Variants in ADGRL1 observed in about 807,000 individuals in gnomAD.
ADGRL1 encodes the protein CIRL-1.
ADGRL1 carries 31 observed loss-of-function variants against 148.9 expected under a neutral mutation model. The ratio of observed to expected loss-of-function variants is 0.21; its 90% confidence interval spans 0.16 to 0.28. The LOEUF is 0.28. Ranked by LOEUF, ADGRL1 falls within the 10% of genes least tolerant of loss-of-function variation. ADGRL1 has a pLI of 1.00. For missense variants in ADGRL1, 1,521 were observed against 2,058.8 expected, an observed-to-expected ratio of 0.74 and a Z score of 5.05; for synonymous variants, 937 against 900.3, an observed-to-expected ratio of 1.04 and a Z score of -0.73.
rs145068915 is a variant in ADGRL1 at position 14,204,856 on chromosome 19, C to T, written c.-96+1129G>A. ...AAGTGGGATGTGGGAAGACAGACCC[C>T]AGCTCTGAGTCCGGTGGAAGCCAGG... is the stretch of plus-strand genomic sequence containing the variant. On this transcript the variant is annotated intron_variant, in intron 1 of 22. Transcript: ENST00000361434. Among the ~76,000 whole-genome samples the T allele has an allele frequency of 5.5e-3, 837 of 152,198 alleles. 14 individuals are homozygous for T. Among genetic ancestry groups the T allele is most frequent in the African/African-American group, 0.019 (799 of 41,520 alleles).
In ADGRL1 at chr19:14,158,359, G is replaced by C. The variant is rs760317415; in HGVS notation, c.2343C>G (p.Ile781Met). ...TCACCTCCAGGTGGGCCACGGTGAA[G>C]ATGACAGGGTCCATGAGGAAGACGC... Reference protein sequence around the residue: ...SSRVFLMDPVIFTVAHLEDKN... With the variant: ...SSRVFLMDPVMFTVAHLEDKN... Residue 781 changes from isoleucine to methionine, a missense_variant, in exon 12 of 23, where the codon ATC (isoleucine) becomes ATG (methionine). Ile to Met is a conservative substitution (Grantham distance 10). This residue lies in a region of ADGRL1 where 265 missense variants were observed against 431.9 expected (regional missense o/e 0.61). Coordinates refer to ENST00000361434, the MANE Select transcript of ADGRL1 (RefSeq NM_014921.5). 6.2e-7 allele frequency: 1 copy of C among 1,613,644 alleles called. No individual in the cohort carries two copies. Among genetic ancestry groups the C allele is most frequent in the African/African-American group, 1.3e-5 (1 of 74,934 alleles).
chr19:14,169,189 T>A (rs1009434235), intron 4 of ADGRL1: 4 of 152,262 alleles, frequency 2.6e-5, no homozygotes, highest in African/African-American at 9.7e-5. Flanking sequence ...CCTCTGCCCT[T>A]GGGAAGTTTA....
intron 1 of ADGRL1, among the ~76,000 whole-genome samples, chr19:14,199,019 C>G (rs1972438694): frequency 1.3e-5 from 2 of 152,206 alleles, no homozygotes; most frequent in Non-Finnish European, 1.5e-5. Flanking sequence ...GAGGCGGGAT[C>G]CCCCTGCCTC....
intron 2 of ADGRL1, among the ~76,000 whole-genome samples, chr19:14,183,091 C>T (rs1339493139): frequency 6.6e-6 from 1 of 152,084 alleles, no homozygotes; most frequent in African/African-American, 2.4e-5. Flanking sequence ...ATCCTAGGGC[C>T]GGCATAGGGC....
rs1304572807 is a variant in ADGRL1, at chr19:14,175,593, TACACACTCATAC to T, written c.284+1926_284+1937del. ...CCACCCACCCAGATACACACTCCAA[TACACACTCATAC>T]AGACACACTCAGACACACTCAAAGA... On this transcript the variant is annotated intron_variant, in intron 3 of 22. Coordinates refer to ENST00000361434, the MANE Select transcript of ADGRL1 (RefSeq NM_014921.5). 8.6e-5 allele frequency among the ~76,000 whole-genome samples: 13 copies of T among 151,518 alleles called. No homozygotes were observed. The South Asian group carries it at 2.7e-3, about 32-fold the overall frequency.
Position 14,170,806 on chromosome 19 carries a change from CAG to C in ADGRL1, c.285-17_285-16del. On this transcript the variant is annotated splice_polypyrimidine_tract_variant and intron_variant, in intron 3 of 22. Transcript: ENST00000361434. Reference sequence around the variant, plus strand: ...GGTTGTTACACCTTCAGAGGAGAAACAGGGCATTGGGAAAGAAACACATAGAC... The same window carrying C: ...GGTTGTTACACCTTCAGAGGAGAAACGGCATTGGGAAAGAAACACATAGAC... 2 of 1,363,718 alleles carry C rather than the reference CAG, an allele frequency of 1.5e-6. No homozygotes were observed. Among genetic ancestry groups the C allele is most frequent in the Non-Finnish European group, 2.1e-6 (2 of 961,710 alleles). The allele number at this position is 1,363,718 out of a possible 1,614,324, so 84.5% of individuals were successfully genotyped here.
intron 4 of ADGRL1, among the ~76,000 whole-genome samples, chr19:14,165,345 G>C (rs753471151): frequency 6.6e-6 from 1 of 152,172 alleles, no homozygotes; most frequent in Non-Finnish European, 1.5e-5. Context: ...TGCCCAAGCC[G>C]GTCCCCACCC....
intron 11 of ADGRL1, among the ~76,000 whole-genome samples, chr19:14,158,792 C>T (rs1253722460): frequency 6.6e-6 from 1 of 152,202 alleles, no homozygotes; most frequent in Non-Finnish European, 1.5e-5. Context: ...CAAGCTGGGC[C>T]TCCGACCCAC....
chr19:14,162,622 C>T lies in ADGRL1; in HGVS notation c.1179G>A (p.Pro393=), dbSNP rs201718512. 1.1e-5 allele frequency: 18 copies of T among 1,606,480 alleles called. No homozygotes were observed. The highest frequency in any genetic ancestry group is 4.0e-5 in the African/African-American group (3 of 74,934). ...FVVRYSLEFG[P]PDPSAGPATS... ...CGTCCTCACCAGCACTGGGGTCGGG[C>T]GGCCCGAACTCCAGGCTGTAGCGCA... The change falls in exon 5 of 23, where the codon CCG becomes CCA. Residue 393 remains proline, a synonymous_variant. Coordinates refer to ENST00000361434, the MANE Select transcript of ADGRL1 (RefSeq NM_014921.5). This position sits in a 1 kb window ranked among gnomAD's most constrained non-coding sequence, Gnocchi z 5.4.
rs1255088376 is a variant in ADGRL1, at chr19:14,152,873, A to C, written c.3334T>G (p.Cys1112Gly). 6.2e-7 allele frequency: 1 copy of C among 1,614,178 alleles called. No individual in the cohort carries two copies. ...EYSKCLRHSY[C>G]CIRSPPGGTH... ...CCCCCGGGTGGGGAGCGGATGCAGC[A>C]GTAGGAGTGACGCAGGCACTTGCTG... Residue 1112 changes from cysteine to glycine, a missense_variant, in exon 19 of 23, where the codon TGC becomes GGC. Cys to Gly is a radical substitution (Grantham distance 159, BLOSUM62 -3). Transcript: ENST00000361434. This position sits in a 1 kb window ranked among gnomAD's most constrained non-coding sequence, Gnocchi z 6.1.
chr19:14,179,586 T>C lies in ADGRL1; in HGVS notation c.71-1842A>G, dbSNP rs138908820. ...CTCAGACTTCTGGCCTCTGCAACTG[T>C]GAGACAATCAATGTCTGTTGCTTAA... is the stretch of plus-strand genomic sequence containing the variant. On this transcript the variant is annotated intron_variant, in intron 2 of 22. Coordinates refer to ENST00000361434, the MANE Select transcript of ADGRL1 (RefSeq NM_014921.5). Among the ~76,000 whole-genome samples, 1,434 of 151,782 alleles carry C rather than the reference T, an allele frequency of 9.4e-3. 28 individuals carry two copies. The highest frequency in any genetic ancestry group is 0.033 in the African/African-American group (1,382 of 41,370).
rs552833873 is a variant in ADGRL1 at position 14,187,028 on chromosome 19, TGA to T, written c.-95-3333_-95-3332del. Among the ~76,000 whole-genome samples the T allele has an allele frequency of 7.9e-5, 12 of 152,282 alleles. No individual in the cohort carries two copies. The East Asian group carries it at 1.9e-3, about 24-fold the overall frequency. On this transcript the variant is annotated intron_variant, in intron 1 of 22. Coordinates refer to ENST00000361434, the MANE Select transcript of ADGRL1 (RefSeq NM_014921.5). ...TACCTTTTTATCAACACGAGCTTCT[TGA>T]GAGAGGCCCTTACAAATCAGCACAC...
At chr19:14,174,015 G>A (rs530447186) in intron 3 of ADGRL1, among the ~76,000 whole-genome samples, 58 of 151,276 alleles carry the variant, frequency 3.8e-4, no homozygotes, top group African/African-American at 6.1e-4. Flanking sequence ...GGGACTCAGC[G>A]GAGAGGAAGC....
rs1458256263 is a variant in ADGRL1 at position 14,152,112 on chromosome 19, C to T, written c.3667+21G>A. On this transcript the variant is annotated intron_variant, in intron 22 of 22. Transcript: ENST00000361434. The surrounding 1 kb of genome is among the most constrained non-coding windows in gnomAD (Gnocchi z 6.1). ...CCCTCTCCCAGCCTCAGAAACATCC[C>T]CAGGGAAGAGTCACACTTACTGGGT... 2 of 1,610,164 alleles carry T rather than the reference C, an allele frequency of 1.2e-6. No individual in the cohort carries two copies. Among genetic ancestry groups the T allele is most frequent in the Admixed American group, 1.7e-5 (1 of 59,986 alleles).
Position 14,160,228 on chromosome 19 carries a change from C to T in ADGRL1, c.1684G>A (p.Ala562Thr), listed in dbSNP as rs149895143. 1.0e-4 allele frequency: 161 copies of T among 1,601,020 alleles called. 1 individual carries two copies. Among genetic ancestry groups the T allele is most frequent in the Non-Finnish European group, 1.3e-4 (157 of 1,169,330 alleles). ...TTCACAGAGGAGGAGACGTCCCCCG[C>T]GTAGATGGAGCCCCGGGTGTGTCGG... is the stretch of plus-strand genomic sequence containing the variant. Reference protein sequence around the residue: ...LARHTRGSIYAGDVSSSVKLM... With the variant: ...LARHTRGSIYTGDVSSSVKLM... Residue 562 changes from alanine (A) to threonine (T), a missense_variant, in exon 8 of 23, where the codon GCG (alanine) becomes ACG (threonine). By Grantham distance (58) the Ala-to-Thr change is moderately conservative (BLOSUM62 0). Coordinates refer to ENST00000361434, the MANE Select transcript of ADGRL1 (RefSeq NM_014921.5). The surrounding 1 kb of genome is among the most constrained non-coding windows in gnomAD (Gnocchi z 5.9).
intron 4 of ADGRL1, chr19:14,166,979 G>A: frequency 6.2e-7 from 1 of 1,607,886 alleles, no homozygotes; most frequent in Non-Finnish European, 8.5e-7. Flanking sequence ...AGAACAAAGT[G>A]TGAGTTAGGG....
chr19:14,160,570 C>A lies in ADGRL1; in HGVS notation c.1614+23G>T. 1 of 1,550,186 alleles carries A rather than the reference C, an allele frequency of 6.5e-7. No homozygotes were observed. Among genetic ancestry groups the A allele is most frequent in the Admixed American group, 1.9e-5 (1 of 53,706 alleles). ...CCTGGGCCCGAGCACATGTGCCTGCCTGCGAGGGGTGGTGGCTGGTACCTT... is the reference window on the plus strand; with the variant it reads ...CCTGGGCCCGAGCACATGTGCCTGCATGCGAGGGGTGGTGGCTGGTACCTT... On this transcript the variant is annotated intron_variant, in intron 7 of 22. Transcript: ENST00000361434. The surrounding 1 kb of genome is among the most constrained non-coding windows in gnomAD (Gnocchi z 5.9).
intron 3 of ADGRL1, among the ~76,000 whole-genome samples, chr19:14,172,192 C>A (rs1473565824): frequency 6.6e-6 from 1 of 152,014 alleles, no homozygotes; most frequent in Non-Finnish European, 1.5e-5. Context: ...GAGGCCAAGG[C>A]GGGTGGATCA....
Position 14,151,427 on chromosome 19 carries a change from T to C in ADGRL1, c.3856A>G (p.Asn1286Asp). Residue 1286 changes from asparagine to aspartate, a missense_variant, in exon 23 of 23, where the codon AAC becomes GAC. Coordinates refer to ENST00000361434, the MANE Select transcript of ADGRL1 (RefSeq NM_014921.5). The part of the protein sequence containing the change: ...EKMIISELVH[N>D]NLRGSSSAAK... ...GCGCTGCTGCTCCCCCGCAGGTTGTTGTGCACCAGCTCTGAGATGATCATC... is the reference window on the plus strand; with the variant it reads ...GCGCTGCTGCTCCCCCGCAGGTTGTCGTGCACCAGCTCTGAGATGATCATC... The C allele has an allele frequency of 1.2e-6, 2 of 1,612,864 alleles. No individual in the cohort carries two copies. Among genetic ancestry groups the C allele is most frequent in the South Asian group, 1.1e-5 (1 of 91,042 alleles).
Sources: allele counts gnomAD v4.1 joint callset (sites outside exome capture counted in the v4.1 genomes callset), GRCh38; gene constraint gnomAD v4.1.1; regional missense constraint gnomAD v4.1.1; non-coding constraint Gnocchi (gnomAD v3.1); transcripts MANE v1.5; gene names NCBI Gene and HGNC (gene_info 2026-07-23, HGNC 2026-07-21).